The following DGKH variants were observed in gnomAD, a reference collection of about 807,000 sequenced individuals.
DGKH encodes the protein DAG kinase eta.
In DGKH, 90 loss-of-function variants were observed where a neutral mutation model predicts 159.3. That is an observed-to-expected ratio of 0.57 (90% CI 0.48 to 0.67). DGKH has a LOEUF of 0.67. Ranked by LOEUF, DGKH falls within the 30% of genes least tolerant of loss-of-function variation. DGKH has a pLI of 0.00. For missense variants in DGKH, 1,181 were observed against 1,506.1 expected (o/e 0.78, Z 3.57); for synonymous variants, 536 against 553.8 (o/e 0.97, Z 0.45).
chr13:42,204,040 A>AAT (rs985624562), intron 20 of DGKH, among the ~76,000 whole-genome samples: 16 of 152,096 alleles, frequency 1.1e-4, no homozygotes, highest in African/African-American at 2.4e-4. Flanking sequence ...TGTGTTGCTT[A>AAT]ATATATATAT....
chr13:42,184,715 A>T (rs1051821431), intron 13 of DGKH, among the ~76,000 whole-genome samples: 13 of 151,906 alleles, frequency 8.6e-5, no homozygotes, highest in East Asian at 5.8e-4. Context: ...AAATTTTTTT[A>T]AATTAGCTCA....
chr13:42,069,738 T>C, intron 1 of DGKH: 1 of 1,116,464 alleles, frequency 9.0e-7, no homozygotes, highest in African/African-American at 1.6e-5. Flanking sequence ...TATCTAAATA[T>C]GATCATGACC....
intron 13 of DGKH, among the ~76,000 whole-genome samples, chr13:42,180,333 A>G (rs1253670050): frequency 6.6e-6 from 1 of 152,206 alleles, no homozygotes; most frequent in Non-Finnish European, 1.5e-5. Flanking sequence ...CACCAAACAA[A>G]GAGAGTGTGT....
chr13:42,189,778 T>G (rs992783436), intron 15 of DGKH, among the ~76,000 whole-genome samples: 1 of 152,056 alleles, frequency 6.6e-6, no homozygotes, highest in Non-Finnish European at 1.5e-5. Flanking sequence ...GCTATCCTCC[T>G]CCCTCAGCCT....
At position 42,210,587 on chromosome 13, in the gene DGKH, A is replaced by C. The variant is rs1208912324; in HGVS notation, c.2851-15A>C. 6.2e-7 allele frequency: 1 copy of C among 1,609,042 alleles called. No homozygotes were observed. Among genetic ancestry groups the C allele is most frequent in the Non-Finnish European group, 8.5e-7 (1 of 1,178,478 alleles). On this transcript the variant is annotated splice_polypyrimidine_tract_variant and intron_variant, in intron 23 of 29. Coordinates refer to ENST00000337343, the MANE Select transcript of DGKH (RefSeq NM_178009.5). ...TTCTAAACTAACAATTCGTTACAAT[A>C]TTGACTTTAAATAGGCCTTTGAGAG...
At chr13:42,132,614 A>G (rs1955310559) in intron 3 of DGKH, among the ~76,000 whole-genome samples, 1 of 152,158 alleles carries the variant, frequency 6.6e-6, no homozygotes, top group African/African-American at 2.4e-5. Flanking sequence ...TTAAGTATTT[A>G]TTTTTGACCA....
chr13:42,206,975 TTTTCTTTCTTTC>T (rs748683859), intron 21 of DGKH, among the ~76,000 whole-genome samples: 122 of 82,328 alleles, frequency 1.5e-3, no homozygotes, highest in African/African-American at 4.4e-3. Context: ...TACTTTTACT[TTTTCTTTCTTTC>T]TTTCTTTCTT....
At chr13:42,214,464 C>T (rs1957738479) in intron 24 of DGKH, 43 bp from the exon 25 acceptor site, 1 of 1,582,676 alleles carries the variant, frequency 6.3e-7, no homozygotes, top group Admixed American at 1.8e-5. Context: ...ATGAGCAATA[C>T]TCAAAAAAGT....
intron 1 of DGKH, among the ~76,000 whole-genome samples, chr13:42,093,621 C>T (rs1418351546): frequency 6.6e-6 from 1 of 152,134 alleles, no homozygotes; most frequent in Non-Finnish European, 1.5e-5. Flanking sequence ...TGCCAATAAA[C>T]AGACGAATGG....
rs747335285 is a variant in DGKH at position 42,195,020 on chromosome 13, G to C, written c.2167+4G>C. 1 of 1,609,436 alleles carries C rather than the reference G, an allele frequency of 6.2e-7. No individual in the cohort carries two copies. The highest frequency in any genetic ancestry group is 2.2e-5 in the East Asian group (1 of 44,836). ...AATACCAGAATAATCTGCCCAGGTA[G>C]TACAGATTCTGAAACATCGTGTATT... On this transcript the variant is annotated splice_donor_region_variant and intron_variant, in intron 17 of 29. Coordinates refer to ENST00000337343, the MANE Select transcript of DGKH (RefSeq NM_178009.5).
chr13:42,120,822 T>C (rs1443819462), intron 1 of DGKH, among the ~76,000 whole-genome samples: 1 of 152,178 alleles, frequency 6.6e-6, no homozygotes, highest in Non-Finnish European at 1.5e-5. Flanking sequence ...ATATTGTGTG[T>C]GTATGTGCGC....
chr13:42,210,018 C>A (rs1471974552), intron 23 of DGKH, among the ~76,000 whole-genome samples: 1 of 133,486 alleles, frequency 7.5e-6, no homozygotes, highest in Non-Finnish European at 1.6e-5. Context: ...TTTTTACTGT[C>A]TCTATTATTT....
chr13:42,102,517 C>T (rs547759581), intron 1 of DGKH, among the ~76,000 whole-genome samples: 3 of 152,298 alleles, frequency 2.0e-5, no homozygotes, highest in African/African-American at 7.2e-5. Flanking sequence ...CTGCTTGGAC[C>T]CTGGGAGCTG....
At chr13:42,198,617 T>C in intron 18 of DGKH, 22 bp downstream of exon 18, 6 of 1,581,022 alleles carry the variant, frequency 3.8e-6, no homozygotes, top group Non-Finnish European at 5.2e-6. Flanking sequence ...CTTTTGCAAA[T>C]ATTTTGTTTG....
At chr13:42,159,677 G>A (rs752436158) in intron 6 of DGKH, among the ~76,000 whole-genome samples, 18 of 152,002 alleles carry the variant, frequency 1.2e-4, no homozygotes, top group Non-Finnish European at 2.1e-4. Context: ...AGACATTGGG[G>A]TTGCCTCTCA....
chr13:42,041,611 C>G (rs1880510436), intron 1 of DGKH, among the ~76,000 whole-genome samples: 1 of 152,102 alleles, frequency 6.6e-6, no homozygotes, highest in Non-Finnish European at 1.5e-5. Flanking sequence ...GGATTTGTTC[C>G]CTCAAACTCC....
chr13:42,207,889 G>A (rs1957548302), intron 21 of DGKH, among the ~76,000 whole-genome samples: 1 of 151,920 alleles, frequency 6.6e-6, no homozygotes, highest in Non-Finnish European at 1.5e-5. Context: ...TAATTTTCAT[G>A]ACATAAATAT....
chr13:42,098,831 A>C (rs538890521), intron 1 of DGKH, among the ~76,000 whole-genome samples: 3 of 152,388 alleles, frequency 2.0e-5, no homozygotes, highest in Non-Finnish European at 4.4e-5. Flanking sequence ...TAAAGTCAGC[A>C]CTTCCGAATT....
upstream of DGKH, chr13:42,043,880 C>G (rs1251415953): frequency 1.3e-5 from 2 of 152,254 alleles, no homozygotes; most frequent in Non-Finnish European, 2.9e-5. Context: ...GTCACCCAGG[C>G]TGGAGTGCAG....
Sources: allele counts gnomAD v4.1 joint callset (sites outside exome capture counted in the v4.1 genomes callset), GRCh38; gene constraint gnomAD v4.1.1; transcripts MANE v1.5; gene names NCBI Gene and HGNC (gene_info 2026-07-23, HGNC 2026-07-21).